Variants in CLHC1 observed in about 807,000 individuals in gnomAD.
CLHC1 encodes the protein clathrin heavy chain linker domain-containing protein 1.
A neutral mutation model predicts 69.5 loss-of-function variants in CLHC1; 72 were observed. The ratio of observed to expected loss-of-function variants is 1.04; its 90% CI spans 0.86 to 1.26. The LOEUF is 1.26. CLHC1 is among the 50% of genes most tolerant of loss of function. The probability of loss-of-function intolerance (pLI) is 0.00; values close to 1 mark genes in which losing one functional copy is unlikely to be tolerated. For synonymous variants in CLHC1, 223 were observed against 224.3 expected, an observed-to-expected ratio of 0.99 and a Z score of 0.05; for missense variants, 790 against 679.3, an observed-to-expected ratio of 1.16 and a Z score of -1.81.
intron 9 of CLHC1, among the ~76,000 whole-genome samples, chr2:55,205,215 A>G (rs1396269556): frequency 6.6e-6 from 1 of 152,190 alleles, no homozygotes; most frequent in Non-Finnish European, 1.5e-5. Flanking sequence ...GAAATTTCTC[A>G]AAGAGCTAAA....
intron 2 of CLHC1, among the ~76,000 whole-genome samples, chr2:55,222,926 A>AAAAAAC (rs1674292583): frequency 6.6e-6 from 1 of 150,940 alleles, no homozygotes; most frequent in African/African-American, 2.4e-5. Flanking sequence ...CTCAAAAAAA[A>AAAAAAC]AAAAAAAAAA....
At chr2:55,185,034 A>G (rs1405925727) in intron 9 of CLHC1, among the ~76,000 whole-genome samples, 2 of 152,090 alleles carry the variant, frequency 1.3e-5, no homozygotes, top group African/African-American at 4.8e-5. Context: ...TAAAGACGGT[A>G]GACTGAACAC....
At chr2:55,195,801 AAAAC>A (rs552325832) in intron 9 of CLHC1, among the ~76,000 whole-genome samples, 30 of 152,312 alleles carry the variant, frequency 2.0e-4, no homozygotes, top group East Asian at 3.9e-4. Context: ...TCTTGTCTCA[AAAAC>A]AAACAAACAA....
chr2:55,199,528 G>C (rs554339237), intron 9 of CLHC1, among the ~76,000 whole-genome samples: 1 of 152,044 alleles, frequency 6.6e-6, no homozygotes, highest in East Asian at 1.9e-4. Flanking sequence ...AACTTTTCAA[G>C]ACATTGACAG....
chr2:55,191,058 G>T (rs888447759), intron 9 of CLHC1, among the ~76,000 whole-genome samples: 18 of 152,080 alleles, frequency 1.2e-4, no homozygotes, highest in Non-Finnish European at 2.4e-4. Context: ...CAAACCAGAA[G>T]ACAGTGAAAC....
At chr2:55,231,844 T>C (rs1249451874) in intron 1 of CLHC1, 1 of 152,302 alleles carries the variant, frequency 6.6e-6, no homozygotes, top group Middle Eastern at 3.4e-3. Context: ...ACTTTAAAAT[T>C]TGAAAACTCC....
Position 55,212,730 on chromosome 2 carries a change from C to T in CLHC1, c.442G>A (p.Asp148Asn). ...GTACAATATTTTACTTCTTTTGTGT[C>T]ATACTCTGCCCTACACTGCTTGATG... is the stretch of plus-strand genomic sequence containing the variant. The part of the protein sequence containing the change: ...DHIKQCRAEY[D>N]TKEVKYCTFS... Residue 148 changes from aspartate (D) to asparagine (N), a missense_variant, in exon 5 of 13, where the codon GAC (aspartate) becomes AAC (asparagine). Asp to Asn is a conservative substitution (Grantham distance 23). Coordinates refer to ENST00000401408, the MANE Select transcript of CLHC1 (RefSeq NM_152385.4). 6.3e-7 allele frequency: 1 copy of T among 1,595,790 alleles called. No individual in the cohort carries two copies.
chr2:55,217,122 G>C (rs1036701820), intron 4 of CLHC1, among the ~76,000 whole-genome samples: 12 of 152,060 alleles, frequency 7.9e-5, no homozygotes, highest in African/African-American at 2.9e-4. Flanking sequence ...TTGTACCTGG[G>C]AGGCAGAGGT....
At chr2:55,207,808 G>A (rs1002422509) in intron 8 of CLHC1, among the ~76,000 whole-genome samples, 4 of 152,160 alleles carry the variant, frequency 2.6e-5, no homozygotes, top group African/African-American at 9.7e-5. Flanking sequence ...AAAAAGAGCT[G>A]AAGTAAATAC....
chr2:55,188,848 T>C (rs1302464610), intron 9 of CLHC1, among the ~76,000 whole-genome samples: 1 of 152,184 alleles, frequency 6.6e-6, no homozygotes, highest in Non-Finnish European at 1.5e-5. Context: ...AATAGTATAA[T>C]TCAGGAACAC....
In CLHC1 at chr2:55,172,821, T is replaced by C. The variant is rs1369923006; in HGVS notation, c.*2969A>G. Among the ~76,000 whole-genome samples, 2 of 152,134 alleles carry C rather than the reference T, an allele frequency of 1.3e-5. No individual in the cohort carries two copies. ...TCACCTTTTAAAGTTAAAAAAGTGA[T>C]TAATTTAATGGTCATTTCTTAGTTA... On this transcript the variant is annotated 3_prime_UTR_variant, in exon 13 of 13. Coordinates refer to ENST00000401408, the MANE Select transcript of CLHC1 (RefSeq NM_152385.4).
At chr2:55,180,981 C>CAT (rs202061082) in intron 10 of CLHC1, among the ~76,000 whole-genome samples, 43 of 151,126 alleles carry the variant, frequency 2.8e-4, no homozygotes, top group African/African-American at 6.1e-4. Flanking sequence ...AAACTAAATG[C>CAT]ATATATATAT....
chr2:55,186,097 C>G lies in CLHC1; in HGVS notation c.1007-4353G>C, dbSNP rs576756194. Among the ~76,000 whole-genome samples the G allele has an allele frequency of 3.3e-5, 5 of 152,246 alleles. No homozygotes were observed. The South Asian group carries it at 1.0e-3, about 32-fold the overall frequency. On this transcript the variant is annotated intron_variant, in intron 9 of 12. Transcript: ENST00000401408. The stretch of plus-strand genomic sequence containing the variant: ...CTACTATTCCTGGCTATATCTTTCC[C>G]TCTCCTTAGATAAAATAAAACAACC...
chr2:55,222,057 A>T (rs1017742382), intron 3 of CLHC1, among the ~76,000 whole-genome samples, 178 bp downstream of exon 3: 9 of 152,202 alleles, frequency 5.9e-5, no homozygotes, highest in African/African-American at 2.2e-4. Flanking sequence ...GGAAATACAA[A>T]TCCAGAATTG....
At chr2:55,221,706 G>A (rs1558515113) in intron 3 of CLHC1, among the ~76,000 whole-genome samples, 1 of 152,190 alleles carries the variant, frequency 6.6e-6, no homozygotes, top group Non-Finnish European at 1.5e-5. Flanking sequence ...GCTAGGCACT[G>A]GTAGTTCATG....
chr2:55,212,672 C>A lies in CLHC1; in HGVS notation c.499+1G>T, dbSNP rs185242834. 7.3e-5 allele frequency: 117 copies of A among 1,593,518 alleles called. No individual in the cohort carries two copies. Among genetic ancestry groups the A allele is most frequent in the Non-Finnish European group, 9.4e-5 (109 of 1,162,860 alleles). Reference sequence around the variant, plus strand: ...CAAATATTTTAAACAAAATACAATACCTGGAATAGGTTTTGAAGGATCTTT... The same window carrying A: ...CAAATATTTTAAACAAAATACAATAACTGGAATAGGTTTTGAAGGATCTTT... On this transcript the variant is annotated splice_donor_variant, in intron 5 of 12. Transcript: ENST00000401408. LOFTEE classifies it high-confidence loss of function.
chr2:55,224,364 G>T, intron 2 of CLHC1: 1 of 445,010 alleles, frequency 2.2e-6, no homozygotes. Flanking sequence ...GCTACTTGGG[G>T]CAGAAGCTCC....
intron 9 of CLHC1, among the ~76,000 whole-genome samples, chr2:55,196,557 A>G (rs1438079257): frequency 6.6e-6 from 1 of 152,170 alleles, no homozygotes; most frequent in Non-Finnish European, 1.5e-5. Context: ...AGGCCCCCCA[A>G]ACTCCGGGAC....
At position 55,193,371 on chromosome 2, in the gene CLHC1, G is replaced by GA. The variant is rs144403559; in HGVS notation, c.1007-11628dup. Among the ~76,000 whole-genome samples, 1,275 of 151,472 alleles carry GA rather than the reference G, an allele frequency of 8.4e-3. 24 individuals carry two copies. Among genetic ancestry groups the GA allele is most frequent in the African/African-American group, 0.029 (1,208 of 41,342 alleles). ...GAGTGAAAAGACAACCCACAGTTGG[G>GA]AAAAAAATATTTGCAAATCAAGTAT... On this transcript the variant is annotated intron_variant, in intron 9 of 12. Coordinates refer to ENST00000401408, the MANE Select transcript of CLHC1 (RefSeq NM_152385.4).
Sources: gnomAD v4.1 joint callset for allele counts (sites outside exome capture counted in the v4.1 genomes callset) on GRCh38, gnomAD v4.1.1 for gene constraint, MANE v1.5 for transcripts, NCBI Gene and HGNC (gene_info 2026-07-23, HGNC 2026-07-21) for gene names.